Variants in ADGRV1 observed in about 807,000 individuals in gnomAD.
ADGRV1 encodes the protein adhesion G protein-coupled receptor V1, also known as G-protein coupled receptor 98.
A neutral mutation model predicts 596.2 loss-of-function variants in ADGRV1; 359 were observed. The ratio of observed to expected loss-of-function variants is 0.60; its 90% CI spans 0.55 to 0.66. The LOEUF (loss-of-function observed/expected upper bound fraction) is 0.66, where lower values mean the gene tolerates loss of function less well. Ranked by LOEUF, ADGRV1 falls within the 30% of genes least tolerant of loss-of-function variation. The pLI, the probability that ADGRV1 is intolerant of heterozygous loss-of-function variation, is 0.00. For missense variants in ADGRV1, 7,274 were observed against 7,575.6 expected (o/e 0.96, Z 1.48); for synonymous variants, 2,681 against 2,679.2 (o/e 1.00, Z -0.02).
rs534652480 is a variant in ADGRV1 at position 90,744,889 on chromosome 5, C to T, written c.10550-157C>T. 5.3e-5 allele frequency among the ~76,000 whole-genome samples: 8 copies of T among 152,284 alleles called. No homozygotes were observed. The South Asian group carries it at 8.3e-4, about 16-fold the overall frequency. On this transcript the variant is annotated intron_variant, in intron 50 of 89. Coordinates refer to ENST00000405460, the MANE Select transcript of ADGRV1 (RefSeq NM_032119.4). ...AAAGCACTTAAAAAATTATTATTTA[C>T]GTCCAGTTATTTCAGAAATTGAAGT...
chr5:90,847,449 C>T lies in ADGRV1; in HGVS notation c.17020-1188C>T, dbSNP rs539702868. Among the ~76,000 whole-genome samples, 873 of 152,368 alleles carry T rather than the reference C, an allele frequency of 5.7e-3. 5 individuals carry two copies. The highest frequency in any genetic ancestry group is 0.02 in the African/African-American group (824 of 41,600). On this transcript the variant is annotated intron_variant, in intron 78 of 89. Coordinates refer to ENST00000405460, the MANE Select transcript of ADGRV1 (RefSeq NM_032119.4). ...CCACCAGACTCAGGAGCCCAGCTGG[C>T]TTCACCCAGTGGATCCCGCACCAGG...
chr5:90,614,164 A>G, intron 1 of ADGRV1: 1 of 370,386 alleles, frequency 2.7e-6, no homozygotes, highest in Non-Finnish European at 5.1e-6. Flanking sequence ...TGAAAAAAAA[A>G]AAAAAAAAGA....
rs1184010778 is a variant in ADGRV1, at chr5:91,027,144, AACACACACACACACACAC to A, written c.18152+41651_18152+41668del. On this transcript the variant is annotated intron_variant, in intron 85 of 89. Transcript: ENST00000405460. Reference sequence around the variant, plus strand: ...GCAACAGAGCAAAACACAGTCTCAAAACACACACACACACACACACACACACACACACACACACACACA... The same window carrying A: ...GCAACAGAGCAAAACACAGTCTCAAAACACACACACACACACACACACACA... Among the ~76,000 whole-genome samples the A allele has an allele frequency of 7.5e-4, 97 of 129,216 alleles. 1 individual carries two copies. The highest frequency in any genetic ancestry group is 2.6e-3 in the East Asian group (11 of 4,312). The allele number at this position is 129,216 out of a possible 152,430, so 84.8% of individuals were successfully genotyped here.
chr5:91,059,937 G>A (rs79557949), intron 85 of ADGRV1, among the ~76,000 whole-genome samples: 1,703 of 152,034 alleles, frequency 0.011, 44 homozygotes, highest in African/African-American at 0.04. Flanking sequence ...AATCCAATAT[G>A]AGCATATTTA....
intron 85 of ADGRV1, among the ~76,000 whole-genome samples, chr5:91,070,868 A>G (rs892440523): frequency 4.6e-5 from 7 of 152,188 alleles, no homozygotes; most frequent in African/African-American, 1.7e-4. Flanking sequence ...TGTATAGTTA[A>G]GGAATAAGAA....
intron 84 of ADGRV1, among the ~76,000 whole-genome samples, chr5:90,983,966 A>G (rs1780285332): frequency 6.6e-6 from 1 of 152,180 alleles, no homozygotes; most frequent in Non-Finnish European, 1.5e-5. Context: ...CTTATTTTTC[A>G]AATAGAAAAG....
chr5:91,150,965 G>A (rs576554467), intron 88 of ADGRV1, among the ~76,000 whole-genome samples: 3 of 152,146 alleles, frequency 2.0e-5, no homozygotes, highest in Non-Finnish European at 4.4e-5. Context: ...AGTAACAAAG[G>A]CCTCTAAAAA....
intron 87 of ADGRV1, among the ~76,000 whole-genome samples, chr5:91,109,777 A>G (rs1792206339): frequency 6.6e-6 from 1 of 152,192 alleles, no homozygotes; most frequent in African/African-American, 2.4e-5. Flanking sequence ...AGCATCCAAT[A>G]ATGGAAAGAG....
intron 1 of ADGRV1, among the ~76,000 whole-genome samples, chr5:90,578,837 TGGG>T (rs1360361014): frequency 1.3e-5 from 2 of 152,212 alleles, no homozygotes; most frequent in Non-Finnish European, 2.9e-5. Context: ...GGTGTAGTCT[TGGG>T]AGGTTGTATG....
At chr5:90,795,600 G>A (rs992968776) in intron 70 of ADGRV1, among the ~76,000 whole-genome samples, 7 of 152,178 alleles carry the variant, frequency 4.6e-5, no homozygotes, top group African/African-American at 1.7e-4. Flanking sequence ...CCTGCCTGAC[G>A]GCTCTGAAGA....
intron 76 of ADGRV1, among the ~76,000 whole-genome samples, chr5:90,828,346 TC>T (rs1013857843): frequency 1.3e-5 from 2 of 152,050 alleles, no homozygotes; most frequent in East Asian, 1.9e-4. Context: ...TCCATTTTTT[TC>T]CCCCTCCTCA....
chr5:90,578,506 C>G lies in ADGRV1; in HGVS notation c.22+19589C>G, dbSNP rs542726667. 7.3e-5 allele frequency among the ~76,000 whole-genome samples: 11 copies of G among 151,300 alleles called. No individual in the cohort carries two copies. In the South Asian group the frequency reaches 2.3e-3, roughly 31 times the overall value. On this transcript the variant is annotated intron_variant, in intron 1 of 89. Coordinates refer to ENST00000405460, the MANE Select transcript of ADGRV1 (RefSeq NM_032119.4). ...AAGATTTTTGATGTGCTGCTGGATT[C>G]CGTTTGCCAGTATTTTACTGAGGAT...
chr5:90,637,684 A>G, intron 10 of ADGRV1, 41 bp from the exon 11 acceptor site: 1 of 1,382,164 alleles, frequency 7.2e-7, no homozygotes, highest in Non-Finnish European at 9.8e-7. Context: ...TTCTGAACAT[A>G]TATTTTAGAA....
At chr5:90,691,765 G>GT (rs1405797405) in intron 31 of ADGRV1, among the ~76,000 whole-genome samples, 8 of 151,948 alleles carry the variant, frequency 5.3e-5, no homozygotes, top group African/African-American at 1.7e-4. Context: ...TATTATTGTG[G>GT]TTTTTCATTC....
intron 88 of ADGRV1, 43 bp downstream of exon 88, chr5:91,150,264 T>TCC (rs1795937722): frequency 1.5e-6 from 1 of 660,802 alleles, no homozygotes; most frequent in Non-Finnish European, 2.1e-6. Flanking sequence ...TCTGTCTCTG[T>TCC]CTCTCTCTCT....
intron 85 of ADGRV1, among the ~76,000 whole-genome samples, chr5:90,993,574 G>A (rs1340306551): frequency 6.6e-6 from 1 of 152,128 alleles, no homozygotes; most frequent in Non-Finnish European, 1.5e-5. Flanking sequence ...GACACAGAGT[G>A]TTAAAGTACA....
intron 83 of ADGRV1, among the ~76,000 whole-genome samples, chr5:90,924,600 G>C (rs1050087185): frequency 6.7e-6 from 1 of 150,144 alleles, no homozygotes; most frequent in African/African-American, 2.4e-5. Flanking sequence ...CACTCTGATG[G>C]TAGTTTCTTT....
intron 83 of ADGRV1, among the ~76,000 whole-genome samples, chr5:90,895,177 G>C (rs955188958): frequency 3.9e-5 from 6 of 152,034 alleles, no homozygotes; most frequent in African/African-American, 1.4e-4. Flanking sequence ...TGATCCTCAT[G>C]CCTTACTGAG....
chr5:91,066,609 G>A (rs1787904936), intron 85 of ADGRV1, among the ~76,000 whole-genome samples: 1 of 152,206 alleles, frequency 6.6e-6, no homozygotes, highest in South Asian at 2.1e-4. Flanking sequence ...TGGGGATGTG[G>A]AATCATAGCT....
Sources: allele counts gnomAD v4.1 joint callset (sites outside exome capture counted in the v4.1 genomes callset), GRCh38; gene constraint gnomAD v4.1.1; transcripts MANE v1.5; gene names NCBI Gene and HGNC (gene_info 2026-07-23, HGNC 2026-07-21).